Variants in POLR1E observed in about 807,000 individuals in gnomAD.
The protein encoded by POLR1E is DNA-directed RNA polymerase I subunit RPA49.
POLR1E carries 37 observed loss-of-function variants against 50.9 expected under a neutral mutation model. That is an observed-to-expected ratio of 0.73 (90% CI 0.56 to 0.96). POLR1E has a LOEUF of 0.96. POLR1E is among the 40% of genes least tolerant of loss of function. The probability of loss-of-function intolerance (pLI) is 0.00; values close to 1 mark genes in which losing one functional copy is unlikely to be tolerated. For synonymous variants in POLR1E, 166 were observed against 191.6 expected (o/e 0.87, Z 1.10); for missense variants, 426 against 518.1 (o/e 0.82, Z 1.73).
chr9:37,494,777 C>G (rs963117656), intron 6 of POLR1E, among the ~76,000 whole-genome samples: 3 of 152,190 alleles, frequency 2.0e-5, no homozygotes, highest in Non-Finnish European at 4.4e-5. Flanking sequence ...GTGTTATATT[C>G]TGAAAGTTTT....
chr9:37,491,205 A>G (rs764757923), intron 4 of POLR1E, among the ~76,000 whole-genome samples: 4 of 152,228 alleles, frequency 2.6e-5, no homozygotes, highest in Non-Finnish European at 5.9e-5. Flanking sequence ...CTGTTCCTTA[A>G]ATCTCAGAAC....
At chr9:37,496,928 A>G (rs1414595613) in intron 8 of POLR1E, among the ~76,000 whole-genome samples, 1 of 152,202 alleles carries the variant, frequency 6.6e-6, no homozygotes. Context: ...CTGAGCCTTA[A>G]CATTTTTGCC....
rs1047193298 is a variant in POLR1E at position 37,489,539 on chromosome 9, G to A, written c.343+139G>A. 10 of 653,040 alleles carry A rather than the reference G, an allele frequency of 1.5e-5. No individual in the cohort carries two copies. The African/African-American group carries it at 1.9e-4, about 12-fold the overall frequency. The allele number at this position is 653,040 out of a possible 1,614,324, so 40.5% of individuals were successfully genotyped here. A position where few individuals can be genotyped will look rare whatever the true frequency, so the allele number is the denominator to read the frequency against. ...ATTCTGTTTTTTCTGCTTTGTCTGT[G>A]TTGAGAAAATGGTTTTTTATATACA... On this transcript the variant is annotated intron_variant, in intron 4 of 11. Transcript: ENST00000377798.
chr9:37,487,727 C>A, intron 2 of POLR1E, 136 bp from the exon 3 acceptor site: 1 of 808,320 alleles, frequency 1.2e-6, no homozygotes, highest in South Asian at 1.6e-5. Flanking sequence ...GGGGCTGGAT[C>A]ATCTGCCAGA....
Position 37,492,727 on chromosome 9 carries a change from A to G in POLR1E, c.402+12A>G. 1 of 1,612,854 alleles carries G rather than the reference A, an allele frequency of 6.2e-7. No individual in the cohort carries two copies. Among genetic ancestry groups the G allele is most frequent in the Non-Finnish European group, 8.5e-7 (1 of 1,179,040 alleles). On this transcript the variant is annotated intron_variant, in intron 5 of 11. Coordinates refer to ENST00000377798, the MANE Select transcript of POLR1E (RefSeq NM_022490.4). ...CTTACAGAGAAAAGGTGAGTGTGAT[A>G]GAATTAAGATGTGGGACCTTAAGCA... is the stretch of plus-strand genomic sequence containing the variant.
chr9:37,494,889 G>C (rs1210692739), intron 6 of POLR1E, among the ~76,000 whole-genome samples: 3 of 152,214 alleles, frequency 2.0e-5, no homozygotes, highest in Non-Finnish European at 4.4e-5. Context: ...TATTGTAAAT[G>C]TTTATGTATT....
At position 37,492,176 on chromosome 9, in the gene POLR1E, C is replaced by CT. The variant is rs1186520289; in HGVS notation, c.344-479dup. On this transcript the variant is annotated intron_variant, in intron 4 of 11. Coordinates refer to ENST00000377798, the MANE Select transcript of POLR1E (RefSeq NM_022490.4). ...GATAACAGGCAAGGCCACTCCAGAG[C>CT]TTGTACTGTTGTGTACTAAGTTATA... 5 of 1,034,168 alleles carry CT rather than the reference C, an allele frequency of 4.8e-6. No individual in the cohort carries two copies. The African/African-American group carries it at 6.7e-5, about 14-fold the overall frequency. The allele number at this position is 1,034,168 out of a possible 1,614,324, so 64.1% of individuals were successfully genotyped here. A position where few individuals can be genotyped will look rare whatever the true frequency, so the allele number is the denominator to read the frequency against.
At chr9:37,492,533 C>A in intron 4 of POLR1E, 124 bp from the exon 5 acceptor site, 1 of 948,836 alleles carries the variant, frequency 1.1e-6, no homozygotes, top group South Asian at 1.5e-5. Flanking sequence ...ATGTTAGGCT[C>A]AGGGAAGTCC....
Position 37,496,003 on chromosome 9 carries a change from A to G in POLR1E, c.752+17A>G. The G allele has an allele frequency of 1.9e-6, 3 of 1,594,388 alleles. No individual in the cohort carries two copies. The South Asian group carries it at 3.3e-5, about 18-fold the overall frequency. On this transcript the variant is annotated intron_variant, in intron 8 of 11. Transcript: ENST00000377798. ...GGAGAACAGGTACCCTGACTTAAGCAGATGGGGATTCTGGGGAGTGCTGTT... is the reference window on the plus strand; with the variant it reads ...GGAGAACAGGTACCCTGACTTAAGCGGATGGGGATTCTGGGGAGTGCTGTT...
chr9:37,487,564 T>A (rs1820601885), intron 2 of POLR1E, among the ~76,000 whole-genome samples: 1 of 152,194 alleles, frequency 6.6e-6, no homozygotes, highest in South Asian at 2.1e-4. Context: ...TACCTTTAAG[T>A]GCCAGAAGCC....
chr9:37,486,206 T>C (rs1256966321), intron 1 of POLR1E, 83 bp downstream of exon 1: 4 of 1,457,450 alleles, frequency 2.7e-6, no homozygotes, highest in African/African-American at 1.4e-5. Flanking sequence ...TCGCCCTCCG[T>C]TGGGCTTCTC....
In POLR1E at chr9:37,490,564, A is replaced by G. The variant is rs1820664662; in HGVS notation, c.343+1164A>G. ...TTCTCTTTTGCTTCTGTCTTTTTCT[A>G]ATCATCTTTCTTCACCCGTTTCATG... On this transcript the variant is annotated intron_variant, in intron 4 of 11. Coordinates refer to ENST00000377798, the MANE Select transcript of POLR1E (RefSeq NM_022490.4). The G allele has an allele frequency of 9.6e-6, 7 of 726,862 alleles. No individual in the cohort carries two copies. The East Asian group carries it at 1.8e-4, about 19-fold the overall frequency. 45.0% of individuals were successfully genotyped at this position (726,862 alleles called of 1,614,324 possible).
At chr9:37,501,576 C>A in intron 10 of POLR1E, 137 bp from the exon 11 acceptor site, 1 of 1,071,966 alleles carries the variant, frequency 9.3e-7, no homozygotes, top group Non-Finnish European at 1.3e-6. Flanking sequence ...CAAAGTCACC[C>A]ACATTCCTTT....
Position 37,498,144 on chromosome 9 carries a change from G to A in POLR1E, c.806G>A (p.Ser269Asn), listed in dbSNP as rs112460184. ...ALKSLPSDVE[S>N]RDRQARCIWF... ...AAGTCTTTGCCATCAGATGTGGAGA[G>A]CCGAGACCGCCAGGCCCGATGCATA... is the stretch of plus-strand genomic sequence containing the variant. The change falls in exon 9 of 12, where the codon AGC (serine) becomes AAC (asparagine). Residue 269 changes from serine (S) to asparagine (N), a missense_variant. Physicochemically the swap from Ser to Asn is conservative, Grantham distance 46. Coordinates refer to ENST00000377798, the MANE Select transcript of POLR1E (RefSeq NM_022490.4). 1,355 of 1,614,064 alleles carry A rather than the reference G, an allele frequency of 8.4e-4. 9 individuals are homozygous for A. In the African/African-American group the frequency reaches 0.016, roughly 19 times the overall value.
At chr9:37,500,539 T>G (rs1189578763) in intron 9 of POLR1E, among the ~76,000 whole-genome samples, 1 of 152,232 alleles carries the variant, frequency 6.6e-6, no homozygotes, top group Non-Finnish European at 1.5e-5. Context: ...CTCCCTGAGC[T>G]TTCAGCACAA....
intron 3 of POLR1E, 105 bp from the exon 4 acceptor site, chr9:37,489,210 C>G: frequency 1.2e-6 from 1 of 823,014 alleles, no homozygotes; most frequent in Non-Finnish European, 1.8e-6. Context: ...TCCACTCCAG[C>G]CTGGGTGACA....
chr9:37,503,098 G>C lies in POLR1E; in HGVS notation c.1156G>C (p.Val386Leu), dbSNP rs747121413. 3.7e-6 allele frequency: 6 copies of C among 1,613,942 alleles called. No individual in the cohort carries two copies. The highest frequency in any genetic ancestry group is 5.1e-6 in the Non-Finnish European group (6 of 1,180,014). The change falls in exon 12 of 12, where the codon GTG becomes CTG. Residue 386 changes from valine (V) to leucine (L), a missense_variant. Transcript: ENST00000377798. Reference sequence around the variant, plus strand: ...GAAGATCTCCAAAAGAAGGGTGTCTGTGGCCGCCGGCAGTGAAGAAGATCA... The same window carrying C: ...GAAGATCTCCAAAAGAAGGGTGTCTCTGGCCGCCGGCAGTGAAGAAGATCA... Reference protein sequence around the residue: ...RLKISKRRVSVAAGSEEDHKL... With the variant: ...RLKISKRRVSLAAGSEEDHKL...
At chr9:37,490,090 CTTCA>C (rs949692041) in intron 4 of POLR1E, among the ~76,000 whole-genome samples, 96 of 152,200 alleles carry the variant, frequency 6.3e-4, no homozygotes, top group African/African-American at 2.2e-3. Flanking sequence ...AAAGAACTTC[CTTCA>C]TTCTTTTTAT....
At chr9:37,501,334 T>G (rs1360675739) in intron 10 of POLR1E, among the ~76,000 whole-genome samples, 1 of 152,216 alleles carries the variant, frequency 6.6e-6, no homozygotes, top group Non-Finnish European at 1.5e-5. Flanking sequence ...GCATGGCGTG[T>G]GTTTTCTGCT....
Sources: gnomAD v4.1 joint callset for allele counts (sites outside exome capture counted in the v4.1 genomes callset) on GRCh38, gnomAD v4.1.1 for gene constraint, MANE v1.5 for transcripts, NCBI Gene and HGNC (gene_info 2026-07-23, HGNC 2026-07-21) for gene names.